Variants in SYT1 observed in about 807,000 individuals in gnomAD.
SYT1 encodes the protein synaptotagmin 1.
SYT1 carries 8 observed loss-of-function variants against 44.8 expected under a neutral mutation model. The observed-to-expected ratio is 0.18, with a 90% CI of 0.10 to 0.32. SYT1 has a LOEUF of 0.32. Among genes scored for constraint, SYT1 ranks in the 10% least tolerant of loss-of-function variants. The probability of loss-of-function intolerance (pLI) is 1.00; values close to 1 mark genes in which losing one functional copy is unlikely to be tolerated. For synonymous variants in SYT1, 154 were observed against 188.8 expected, an observed-to-expected ratio of 0.82 and a Z score of 1.51; for missense variants, 286 against 509.3, an observed-to-expected ratio of 0.56 and a Z score of 4.22.
At chr12:79,122,494 AC>A (rs1318969334) in intron 3 of SYT1, among the ~76,000 whole-genome samples, 40 of 116,300 alleles carry the variant, frequency 3.4e-4, no homozygotes, top group African/African-American at 1.3e-3. Flanking sequence ...AGCCTGGGCG[AC>A]AGAGCGAGAC....
chr12:79,110,914 C>G (rs1878976413), intron 3 of SYT1, among the ~76,000 whole-genome samples: 1 of 152,112 alleles, frequency 6.6e-6, no homozygotes, highest in Non-Finnish European at 1.5e-5. Context: ...TATAGTCAAA[C>G]TATTAAGTGA....
At chr12:79,260,149 C>T (rs887837653) in intron 4 of SYT1, among the ~76,000 whole-genome samples, 4 of 152,154 alleles carry the variant, frequency 2.6e-5, no homozygotes, top group African/African-American at 9.7e-5. Flanking sequence ...GAGCAAAAGG[C>T]TGTTTCATTG....
intron 1 of SYT1, among the ~76,000 whole-genome samples, chr12:78,882,814 C>G (rs1874528155): frequency 6.6e-6 from 1 of 151,490 alleles, no homozygotes; most frequent in Admixed American, 6.6e-5. Context: ...AAATTTTAAC[C>G]TTGAGTTTTT....
At position 79,324,112 on chromosome 12, in the gene SYT1, G is replaced by A. The variant is rs564007730; in HGVS notation, c.810+24561G>A. ...ATTACAGGTGCACGCCACCACTCCT[G>A]GCTAATTTTTTGTATTTTTAGTAGA... On this transcript the variant is annotated intron_variant, in intron 8 of 10. Coordinates refer to ENST00000261205, the MANE Select transcript of SYT1 (RefSeq NM_005639.3). Among the ~76,000 whole-genome samples the A allele has an allele frequency of 3.3e-5, 5 of 151,730 alleles. No individual in the cohort carries two copies. The South Asian group carries it at 8.3e-4, about 25-fold the overall frequency.
intron 1 of SYT1, among the ~76,000 whole-genome samples, chr12:78,873,076 A>G (rs1175325154): frequency 1.3e-5 from 2 of 151,550 alleles, no homozygotes; most frequent in Non-Finnish European, 3.0e-5. Flanking sequence ...GCAGCACTGT[A>G]TTTTTATTTG....
chr12:78,945,717 A>G (rs1294347924), intron 1 of SYT1, among the ~76,000 whole-genome samples: 1 of 152,128 alleles, frequency 6.6e-6, no homozygotes, highest in African/African-American at 2.4e-5. Context: ...AAAGACATGA[A>G]TCTCGTAATA....
intron 3 of SYT1, among the ~76,000 whole-genome samples, chr12:79,127,094 A>G (rs968529076): frequency 6.6e-6 from 1 of 152,180 alleles, no homozygotes; most frequent in Non-Finnish European, 1.5e-5. Context: ...ATTCCACAAA[A>G]TGAAAACCCA....
chr12:79,304,617 C>T (rs1397205802), intron 8 of SYT1, among the ~76,000 whole-genome samples: 1 of 152,062 alleles, frequency 6.6e-6, no homozygotes, highest in Non-Finnish European at 1.5e-5. Context: ...TCATAGATTA[C>T]CTTAATTTTT....
chr12:78,994,122 TTCC>T (rs1228234471), intron 2 of SYT1, among the ~76,000 whole-genome samples: 1 of 152,224 alleles, frequency 6.6e-6, no homozygotes, highest in South Asian at 2.1e-4. Flanking sequence ...CTGTATTTAT[TTCC>T]TCCTGAGTAG....
chr12:79,416,631 A>T (rs2136145371), intron 9 of SYT1, among the ~76,000 whole-genome samples: 1 of 152,324 alleles, frequency 6.6e-6, no homozygotes, highest in Non-Finnish European at 1.5e-5. Context: ...AAGGCTTCTC[A>T]TACATAATTT....
At chr12:79,215,918 C>CTTTTTTTTTTTTTTTTTTTTTT (rs71091653) in intron 3 of SYT1, among the ~76,000 whole-genome samples, 1 of 76,726 alleles carries the variant, frequency 1.3e-5, no homozygotes, top group Non-Finnish European at 2.3e-5. Context: ...GCATTTCTTT[C>CTTTTTTTTTTTTTTTTTTTTTT]TTTTTTTTTT....
intron 3 of SYT1, among the ~76,000 whole-genome samples, chr12:79,130,159 T>C (rs1868715297): frequency 6.6e-6 from 1 of 152,192 alleles, no homozygotes; most frequent in African/African-American, 2.4e-5. Flanking sequence ...CTGGAAAGAA[T>C]ATTTTTTCAG....
At chr12:79,330,460 A>G (rs922123077) in intron 8 of SYT1, among the ~76,000 whole-genome samples, 1 of 152,198 alleles carries the variant, frequency 6.6e-6, no homozygotes, top group African/African-American at 2.4e-5. Context: ...CTTTCACTAC[A>G]TAGAAGAAAG....
intron 1 of SYT1, among the ~76,000 whole-genome samples, chr12:78,894,330 G>GTTTTTTTTTTATTTTTT (rs1875227606): frequency 3.6e-5 from 1 of 27,710 alleles, no homozygotes. Context: ...TTTTTAATCT[G>GTTTTTTTTTTATTTTTT]TTTTTTTTTT....
At chr12:79,442,895 AT>A (rs550140275) in intron 9 of SYT1, among the ~76,000 whole-genome samples, 234 of 151,762 alleles carry the variant, frequency 1.5e-3, no homozygotes, top group African/African-American at 5.3e-3. Flanking sequence ...CTAGATTTAA[AT>A]TTTTTTTTCT....
intron 8 of SYT1, among the ~76,000 whole-genome samples, chr12:79,315,549 T>G (rs1881041110): frequency 6.6e-6 from 1 of 152,146 alleles, no homozygotes. Context: ...ATCCTAAACA[T>G]CAAAGCATGA....
At chr12:78,996,775 A>C (rs2137511141) in intron 2 of SYT1, among the ~76,000 whole-genome samples, 1 of 152,330 alleles carries the variant, frequency 6.6e-6, no homozygotes, top group Admixed American at 6.5e-5. Context: ...AATAAATCAC[A>C]GATATAAAGA....
chr12:79,422,690 C>G (rs921432283), intron 9 of SYT1, among the ~76,000 whole-genome samples: 7 of 151,980 alleles, frequency 4.6e-5, no homozygotes, highest in African/African-American at 1.7e-4. Flanking sequence ...CTCTCTCTCT[C>G]TCTCTGGGAT....
At chr12:78,959,712 G>A (rs1879406280) in intron 1 of SYT1, among the ~76,000 whole-genome samples, 1 of 152,146 alleles carries the variant, frequency 6.6e-6, no homozygotes. Flanking sequence ...AGAGAAGGCT[G>A]CTGAGTTCTT....
Sources: gnomAD v4.1 joint callset for allele counts (sites outside exome capture counted in the v4.1 genomes callset) on GRCh38, gnomAD v4.1.1 for gene constraint, MANE v1.5 for transcripts, NCBI Gene and HGNC (gene_info 2026-07-23, HGNC 2026-07-21) for gene names.